Variants in CD6 observed in about 807,000 individuals in gnomAD.
The protein encoded by CD6 is CD6 molecule.
In CD6, 53 loss-of-function variants were observed where a neutral mutation model predicts 75.3. The ratio of observed to expected loss-of-function variants is 0.70; its 90% CI spans 0.56 to 0.88. The LOEUF is 0.88. Among genes scored for constraint, CD6 ranks in the 40% least tolerant of loss-of-function variants. CD6 has a pLI of 0.00. For synonymous variants in CD6, 359 were observed against 381.5 expected (o/e 0.94, Z 0.69); for missense variants, 770 against 897.1 (o/e 0.86, Z 1.81).
Position 60,977,851 on chromosome 11 carries a change from T to C in CD6, c.49+5937T>C, listed in dbSNP as rs1055937196. Among the ~76,000 whole-genome samples, 5 of 152,224 alleles carry C rather than the reference T, an allele frequency of 3.3e-5. No individual in the cohort carries two copies. In the South Asian group the frequency reaches 1.0e-3, roughly 31 times the overall value. On this transcript the variant is annotated intron_variant, in intron 1 of 12. Coordinates refer to ENST00000313421, the MANE Select transcript of CD6 (RefSeq NM_006725.5). ...ATACATTTATTTTGAGAAGAAACTT[T>C]ATATATCACTCCCTTAAATGGAAAG...
Position 61,009,865 on chromosome 11 carries a change from C to T in CD6, c.1075C>T (p.Leu359Phe). Reference protein sequence around the residue: ...LCSQSLAARVLCSASRSLHNL... With the variant: ...LCSQSLAARVFCSASRSLHNL... ...CAGCCAGTCGCTGGCAGCCAGGGTCCTCTGCTCAGGTACCCCATCCTACTC... is the reference window on the plus strand; with the variant it reads ...CAGCCAGTCGCTGGCAGCCAGGGTCTTCTGCTCAGGTACCCCATCCTACTC... The change falls in exon 5 of 13, where the codon CTC (leucine) becomes TTC (phenylalanine). Residue 359 changes from leucine (L) to phenylalanine (F), a missense_variant. Transcript: ENST00000313421. The T allele has an allele frequency of 3.2e-6, 5 of 1,558,512 alleles. No individual in the cohort carries two copies. Among genetic ancestry groups the T allele is most frequent in the Non-Finnish European group, 4.3e-6 (5 of 1,151,272 alleles).
intron 1 of CD6, among the ~76,000 whole-genome samples, chr11:60,972,389 A>G (rs887858688): frequency 6.6e-6 from 1 of 152,156 alleles, no homozygotes; most frequent in African/African-American, 2.4e-5. Context: ...GAAGCCAGGG[A>G]GAGTTCTGGA....
At chr11:61,001,195 T>G (rs1163172277) in intron 1 of CD6, among the ~76,000 whole-genome samples, 2 of 138,792 alleles carry the variant, frequency 1.4e-5, no homozygotes, top group African/African-American at 5.3e-5. Context: ...GATGATGATG[T>G]GTCTTTTTTT....
chr11:61,000,608 G>A (rs1226896780), intron 1 of CD6, among the ~76,000 whole-genome samples: 2 of 152,160 alleles, frequency 1.3e-5, no homozygotes, highest in Admixed American at 6.5e-5. Flanking sequence ...TCCCCACCAG[G>A]CTTGCTCTGA....
intron 4 of CD6, 86 bp from the exon 5 acceptor site, chr11:61,009,486 G>C (rs1859038092): frequency 1.6e-6 from 2 of 1,218,472 alleles, no homozygotes; most frequent in Admixed American, 2.8e-5. Context: ...TGGCTGCATT[G>C]GTGCCTGCAC....
Position 61,007,773 on chromosome 11 carries a change from G to A in CD6, c.332G>A (p.Gly111Glu), listed in dbSNP as rs1858939168. ...TPELPPPPAA[G>E]NTSVAANATL... ...GAGCTGCCGCCCCCGCCTGCAGCCG[G>A]GAACACCAGCGTAGCAGCTAATGCC... The change falls in exon 3 of 13, where the codon GGG becomes GAG. Residue 111 changes from glycine to glutamate, a missense_variant. Transcript: ENST00000313421. This position sits in a 1 kb window ranked among gnomAD's most constrained non-coding sequence, Gnocchi z 4.2. 6.8e-7 allele frequency: 1 copy of A among 1,468,512 alleles called. No individual in the cohort carries two copies. Among genetic ancestry groups the A allele is most frequent in the East Asian group, 3.0e-5 (1 of 33,328 alleles). The allele number at this position is 1,468,512 out of a possible 1,614,324, so 91.0% of individuals were successfully genotyped here. A position where few individuals can be genotyped will look rare whatever the true frequency, so the allele number is the denominator to read the frequency against.
chr11:60,991,273 C>G lies in CD6; in HGVS notation c.50-15301C>G, dbSNP rs573121339. 2.6e-5 allele frequency among the ~76,000 whole-genome samples: 4 copies of G among 151,198 alleles called. No homozygotes were observed. In the East Asian group the frequency reaches 7.8e-4, roughly 30 times the overall value. On this transcript the variant is annotated intron_variant, in intron 1 of 12. Coordinates refer to ENST00000313421, the MANE Select transcript of CD6 (RefSeq NM_006725.5). ...TCAAGCGATTCTCCTGCCTCAGCCT[C>G]TCGAGTAGCTAGGATTGCAGGCATG... is the stretch of plus-strand genomic sequence containing the variant.
At chr11:61,013,836 T>G in intron 7 of CD6, 83 bp from the exon 8 acceptor site, 1 of 942,438 alleles carries the variant, frequency 1.1e-6, no homozygotes, top group Non-Finnish European at 1.6e-6. Flanking sequence ...GAGGGTGGTG[T>G]GTCGATGAGA....
In CD6 at chr11:61,013,454, G is replaced by A. The variant is rs775286767; in HGVS notation, c.1182G>A (p.Lys394=). ...ESSVTVKIEN[K]ESRELMLLIP... ...CTGTGACAGTGAAAATAGAGAACAA[G>A]GAATCTCGGGAGCTAATGCTCCTCA... The change falls in exon 7 of 13, where the codon AAG becomes AAA. Residue 394 remains lysine (K), a synonymous_variant. Coordinates refer to ENST00000313421, the MANE Select transcript of CD6 (RefSeq NM_006725.5). 1 of 1,614,150 alleles carries A rather than the reference G, an allele frequency of 6.2e-7. No individual in the cohort carries two copies. The highest frequency in any genetic ancestry group is 2.2e-5 in the East Asian group (1 of 44,880).
chr11:60,999,413 G>A (rs1020565337), intron 1 of CD6, among the ~76,000 whole-genome samples: 2 of 150,984 alleles, frequency 1.3e-5, no homozygotes, highest in African/African-American at 4.9e-5. Flanking sequence ...ATCTCAGGAT[G>A]CAGTGAGAGG....
At chr11:61,014,504 G>T (rs1335096124) in intron 8 of CD6, among the ~76,000 whole-genome samples, 1 of 152,202 alleles carries the variant, frequency 6.6e-6, no homozygotes, top group Non-Finnish European at 1.5e-5. Flanking sequence ...GGAACCTGAG[G>T]TGGGCAGATC....
chr11:60,976,653 G>A (rs994772762), intron 1 of CD6, among the ~76,000 whole-genome samples: 2 of 152,152 alleles, frequency 1.3e-5, no homozygotes, highest in East Asian at 3.8e-4. Flanking sequence ...CCATCTCAGT[G>A]GACTGAGCTG....
Position 60,987,103 on chromosome 11 carries a change from A to G in CD6, c.49+15189A>G, listed in dbSNP as rs187331296. On this transcript the variant is annotated intron_variant, in intron 1 of 12. Transcript: ENST00000313421. ...AGATGGCACCACAGTGCGAGACTCC[A>G]TCTCAAAAAAACAAAAACAAAAACA... Among the ~76,000 whole-genome samples the G allele has an allele frequency of 8.6e-4, 131 of 152,272 alleles. 1 individual carries two copies. The highest frequency in any genetic ancestry group is 3.1e-3 in the African/African-American group (127 of 41,564).
At chr11:61,016,204 C>G (rs904441618) in intron 9 of CD6, among the ~76,000 whole-genome samples, 2 of 152,188 alleles carry the variant, frequency 1.3e-5, no homozygotes, top group African/African-American at 4.8e-5. Context: ...CCATATCCCT[C>G]CGTGTCCCAT....
chr11:60,999,107 G>A (rs1373038310), intron 1 of CD6, among the ~76,000 whole-genome samples: 1 of 152,056 alleles, frequency 6.6e-6, no homozygotes, highest in Non-Finnish European at 1.5e-5. Context: ...GCAGTGAGTT[G>A]AGATGGCACC....
intron 1 of CD6, among the ~76,000 whole-genome samples, chr11:60,977,779 G>C (rs1203961468): frequency 1.3e-5 from 2 of 152,088 alleles, no homozygotes; most frequent in Non-Finnish European, 2.9e-5. Context: ...ACAGGCGCCT[G>C]ACACCATGCC....
intron 1 of CD6, among the ~76,000 whole-genome samples, chr11:60,997,378 C>T (rs1378833766): frequency 2.5e-5 from 2 of 79,672 alleles, no homozygotes; most frequent in Non-Finnish European, 5.3e-5. Context: ...GACTCCGTCT[C>T]AAAAAAAAAA....
At chr11:61,010,215 A>G (rs867604869) in intron 5 of CD6, among the ~76,000 whole-genome samples, 2 of 152,166 alleles carry the variant, frequency 1.3e-5, no homozygotes, top group Non-Finnish European at 2.9e-5. Flanking sequence ...CCTAGTAATA[A>G]TATCGGTGAC....
rs540165198 is a variant in CD6, at chr11:61,009,994, TAAG to T, written c.1084+124_1084+126del. On this transcript the variant is annotated intron_variant, in intron 5 of 12. Coordinates refer to ENST00000313421, the MANE Select transcript of CD6 (RefSeq NM_006725.5). The stretch of plus-strand genomic sequence containing the variant: ...CAGATCGGCAATGGCACATATGGCA[TAAG>T]AAGGACTGTTGTCCTTACGGTGCCC... 1,256 of 963,668 alleles carry T rather than the reference TAAG, an allele frequency of 1.3e-3. 14 individuals carry two copies. In the African/African-American group the frequency reaches 0.019, roughly 15 times the overall value. 59.7% of individuals were successfully genotyped at this position (963,668 alleles called of 1,614,324 possible).
Sources: gnomAD v4.1 joint callset for allele counts (sites outside exome capture counted in the v4.1 genomes callset) on GRCh38, gnomAD v4.1.1 for gene constraint, Gnocchi (gnomAD v3.1) non-coding constraint, MANE v1.5 for transcripts, NCBI Gene and HGNC (gene_info 2026-07-23, HGNC 2026-07-21) for gene names.